The following PRMT7 variants were observed in gnomAD, a reference collection of about 807,000 sequenced individuals.
The protein encoded by PRMT7 is protein arginine methyltransferase 7.
In PRMT7, 75 loss-of-function variants were observed where a neutral mutation model predicts 85.4. The observed-to-expected ratio is 0.88, with a 90% CI of 0.73 to 1.06. The LOEUF is 1.06. PRMT7 is among the 50% of genes least tolerant of loss of function. The probability of loss-of-function intolerance (pLI) is 0.00; values close to 1 mark genes in which losing one functional copy is unlikely to be tolerated. For missense variants in PRMT7, 868 were observed against 915.2 expected (o/e 0.95, Z 0.67); for synonymous variants, 397 against 359.5 (o/e 1.10, Z -1.18).
At chr16:68,345,026 C>G (rs559896286) in intron 9 of PRMT7, among the ~76,000 whole-genome samples, 50 of 147,614 alleles carry the variant, frequency 3.4e-4, no homozygotes, top group African/African-American at 1.2e-3. Flanking sequence ...TGACACTTTA[C>G]TTTTAAATAC....
chr16:68,317,926 A>G (rs1404997351), intron 3 of PRMT7, among the ~76,000 whole-genome samples: 11 of 152,014 alleles, frequency 7.2e-5, no homozygotes, highest in Non-Finnish European at 1.5e-5. Flanking sequence ...GTACAAAAGT[A>G]CTATGGTAAG....
At chr16:68,340,287 G>A (rs1399579635) in intron 9 of PRMT7, among the ~76,000 whole-genome samples, 6 of 152,216 alleles carry the variant, frequency 3.9e-5, no homozygotes, top group Middle Eastern at 3.4e-3. Flanking sequence ...CCATCAGCTT[G>A]GAATAGAGAA....
intron 5 of PRMT7, among the ~76,000 whole-genome samples, chr16:68,326,849 G>T (rs1351726935): frequency 6.6e-6 from 1 of 152,152 alleles, no homozygotes; most frequent in Non-Finnish European, 1.5e-5. Flanking sequence ...AGGAGAAGGA[G>T]GTGTGAAGGT....
At chr16:68,329,631 C>T (rs2083581109) in intron 6 of PRMT7, 1 of 154,294 alleles carries the variant, frequency 6.5e-6, no homozygotes, top group African/African-American at 2.4e-5. Flanking sequence ...TGCAGTGGCG[C>T]TATCTTGCCT....
intron 7 of PRMT7, among the ~76,000 whole-genome samples, chr16:68,337,893 C>T (rs2084935071): frequency 6.6e-6 from 1 of 152,200 alleles, no homozygotes; most frequent in African/African-American, 2.4e-5. Flanking sequence ...TGGAATATTT[C>T]TGGTAGAGGA....
At chr16:68,334,343 G>T (rs1649162078) in intron 6 of PRMT7, among the ~76,000 whole-genome samples, 1 of 152,116 alleles carries the variant, frequency 6.6e-6, no homozygotes, top group Non-Finnish European at 1.5e-5. Flanking sequence ...CTGACAAGTG[G>T]CTTCCTCATT....
intron 9 of PRMT7, among the ~76,000 whole-genome samples, chr16:68,344,438 C>T (rs16957831): frequency 0.15 from 22,724 of 152,208 alleles, 1,896 homozygotes; most frequent in African/African-American, 0.22. Flanking sequence ...CATCGGTGCT[C>T]ATCTCTGTTC....
In PRMT7 at chr16:68,357,338, G is replaced by T. The variant is rs1360235451; in HGVS notation, c.*114G>T. ...TCTCTGGGAGCTGCTCGGCCTCAGG[G>T]ATGGGAAAGACTGCGCCGTGTTGCA... On this transcript the variant is annotated 3_prime_UTR_variant, in exon 19 of 19. Transcript: ENST00000441236. 1 of 1,183,092 alleles carries T rather than the reference G, an allele frequency of 8.5e-7. No homozygotes were observed. The allele number at this position is 1,183,092 out of a possible 1,614,324, so 73.3% of individuals were successfully genotyped here.
At chr16:68,350,096 A>T (rs1022271876) in intron 14 of PRMT7, among the ~76,000 whole-genome samples, 1 of 152,132 alleles carries the variant, frequency 6.6e-6, no homozygotes, top group East Asian at 1.9e-4. Context: ...GCTGAGCATA[A>T]TGTCTTTGAG....
At chr16:68,320,039 T>C (rs188310701) in intron 3 of PRMT7, among the ~76,000 whole-genome samples, 1 of 152,198 alleles carries the variant, frequency 6.6e-6, no homozygotes, top group African/African-American at 2.4e-5. Flanking sequence ...CTGTCACATA[T>C]ACAGTGGGTG....
At chr16:68,326,398 ACTGCAC>A (rs1710034042) in intron 5 of PRMT7, among the ~76,000 whole-genome samples, 1 of 152,170 alleles carries the variant, frequency 6.6e-6, no homozygotes. Flanking sequence ...GGTATGTACC[ACTGCAC>A]CTGGCTAATT....
intron 4 of PRMT7, among the ~76,000 whole-genome samples, chr16:68,322,828 C>A (rs562480329): frequency 6.6e-6 from 1 of 151,982 alleles, no homozygotes; most frequent in African/African-American, 2.4e-5. Context: ...GTCAGGAGAT[C>A]GAGACCATCC....
intron 14 of PRMT7, among the ~76,000 whole-genome samples, chr16:68,349,360 T>G (rs1307541423): frequency 6.6e-6 from 1 of 152,188 alleles, no homozygotes; most frequent in Non-Finnish European, 1.5e-5. Flanking sequence ...CTTCACTCTT[T>G]ACTATTTTGG....
chr16:68,347,295 G>A lies in PRMT7; in HGVS notation c.1275+1G>A. 6.5e-7 allele frequency: 1 copy of A among 1,539,952 alleles called. No homozygotes were observed. The highest frequency in any genetic ancestry group is 1.2e-5 in the South Asian group (1 of 83,402). On this transcript the variant is annotated splice_donor_variant, in intron 12 of 18. Transcript: ENST00000441236. LOFTEE classifies it high-confidence loss of function. ...GGCCCATCACCTGGGGGTGGAGCAG[G>A]TACTGACATGCACCCTTGTCAGCCT...
At chr16:68,324,177 A>G (rs770845060) in intron 4 of PRMT7, 37 of 154,806 alleles carry the variant, frequency 2.4e-4, no homozygotes, top group Non-Finnish European at 4.9e-4. Flanking sequence ...TAGGATTTCC[A>G]GAAGCCACAA....
chr16:68,325,371 T>C (rs1330742274), intron 5 of PRMT7, among the ~76,000 whole-genome samples: 2 of 152,226 alleles, frequency 1.3e-5, no homozygotes, highest in African/African-American at 4.8e-5. Flanking sequence ...CCAGTTATTG[T>C]GGGACTTTGT....
chr16:68,355,244 G>C (rs2088162846), intron 16 of PRMT7: 1 of 152,952 alleles, frequency 6.5e-6, no homozygotes, highest in Non-Finnish European at 1.5e-5. Context: ...CCCTTCTCCT[G>C]CCGGCTCCCA....
In PRMT7 at chr16:68,329,140, C is replaced by T. The variant is rs1170525724; in HGVS notation, c.357C>T (p.Ile119=). ...GCTTTAGTGATAAGATTAAGGTTATCAACAAGCATTCCACCGAGGTGACTG... is the reference window on the plus strand; with the variant it reads ...GCTTTAGTGATAAGATTAAGGTTATTAACAAGCATTCCACCGAGGTGACTG... ...KNGFSDKIKV[I]NKHSTEVTVG... Residue 119 remains isoleucine (I), a synonymous_variant, in exon 6 of 19, where the codon ATC becomes ATT. Coordinates refer to ENST00000441236, the MANE Select transcript of PRMT7 (RefSeq NM_019023.5). 2.5e-6 allele frequency: 4 copies of T among 1,608,240 alleles called. No individual in the cohort carries two copies. The highest frequency in any genetic ancestry group is 3.3e-5 in the Admixed American group (2 of 59,998).
intron 14 of PRMT7, among the ~76,000 whole-genome samples, chr16:68,349,458 T>C (rs991031436): frequency 8.5e-5 from 13 of 152,226 alleles, no homozygotes; most frequent in Non-Finnish European, 1.6e-4. Context: ...CTATCATCTT[T>C]CATCTTTCCT....
Sources: gnomAD v4.1 joint callset for allele counts (sites outside exome capture counted in the v4.1 genomes callset) on GRCh38, gnomAD v4.1.1 for gene constraint, MANE v1.5 for transcripts, NCBI Gene and HGNC (gene_info 2026-07-23, HGNC 2026-07-21) for gene names.